The following CNTN5 variants were observed in gnomAD, a reference collection of about 807,000 sequenced individuals.
CNTN5 encodes the protein contactin 5, also known as contactin-5.
CNTN5 carries 77 observed loss-of-function variants against 129.1 expected under a neutral mutation model. That is an observed-to-expected ratio of 0.60 (90% confidence interval 0.50 to 0.72). CNTN5 has a LOEUF of 0.72. CNTN5 is among the 30% of genes least tolerant of loss of function. The pLI, the probability that CNTN5 is intolerant of heterozygous loss-of-function variation, is 0.00. For missense variants in CNTN5, 1,478 were observed against 1,328.8 expected (o/e 1.11, Z -1.75); for synonymous variants, 509 against 465.6 (o/e 1.09, Z -1.20).
chr11:99,408,450 GAAAGAAAGAAAGAA>G (rs1245570605), intron 2 of CNTN5, among the ~76,000 whole-genome samples: 2 of 68,814 alleles, frequency 2.9e-5, no homozygotes, highest in African/African-American at 1.3e-4. Context: ...GAAAGAAAGA[GAAAGAAAGAAAGAA>G]AGAAAGAAAG....
At chr11:99,811,897 A>G (rs1036582572) in intron 3 of CNTN5, among the ~76,000 whole-genome samples, 3 of 152,166 alleles carry the variant, frequency 2.0e-5, no homozygotes, top group African/African-American at 7.2e-5. Flanking sequence ...TTTAGCTGAC[A>G]TCTTCAGCAT....
In CNTN5 at chr11:99,262,065, C is replaced by T. The variant is rs561795673; in HGVS notation, c.-209-63281C>T. On this transcript the variant is annotated intron_variant, in intron 1 of 24. Coordinates refer to ENST00000524871, the MANE Select transcript of CNTN5 (RefSeq NM_014361.4). ...TAAACCATACTGGTGATCATGTAGT[C>T]CCTGAGATTCATGACATTTCCTCCT... 1.1e-3 allele frequency among the ~76,000 whole-genome samples: 161 copies of T among 152,074 alleles called. 2 individuals are homozygous for T. The highest frequency in any genetic ancestry group is 1.4e-3 in the Admixed American group (21 of 15,224).
intron 2 of CNTN5, among the ~76,000 whole-genome samples, chr11:99,450,768 G>GTTTTTTTTTTTTTTTTTTTTTTTTTTT (rs34146715): frequency 1.9e-5 from 2 of 105,004 alleles, no homozygotes; most frequent in Non-Finnish European, 3.8e-5. Flanking sequence ...ATTGAAGCAA[G>GTTTTTTTTTTTTTTTTTTTTTTTTTTT]TTTTTTTTTT....
At chr11:100,029,437 G>C (rs1434866348) in intron 9 of CNTN5, among the ~76,000 whole-genome samples, 2 of 152,032 alleles carry the variant, frequency 1.3e-5, no homozygotes, top group African/African-American at 4.8e-5. Context: ...AAAAAAATTA[G>C]CCGGGCGAGG....
chr11:99,561,779 AGAG>A (rs1948852220), intron 3 of CNTN5, among the ~76,000 whole-genome samples: 1 of 152,298 alleles, frequency 6.6e-6, no homozygotes, highest in Non-Finnish European at 1.5e-5. Context: ...TTGCACAGAA[AGAG>A]GAGACTAAGG....
At chr11:99,559,329 T>G (rs1389058271) in intron 3 of CNTN5, among the ~76,000 whole-genome samples, 1 of 152,102 alleles carries the variant, frequency 6.6e-6, no homozygotes, top group Non-Finnish European at 1.5e-5. Flanking sequence ...TTTATTCAGT[T>G]TTTGAAAATC....
chr11:99,525,148 C>CTT (rs36100461), intron 2 of CNTN5, among the ~76,000 whole-genome samples: 17 of 150,718 alleles, frequency 1.1e-4, no homozygotes, highest in South Asian at 2.1e-4. Flanking sequence ...TAAAGGGAGG[C>CTT]TTTTTTTTTA....
intron 2 of CNTN5, among the ~76,000 whole-genome samples, chr11:99,378,303 AT>A (rs1940312826): frequency 6.6e-6 from 1 of 152,090 alleles, no homozygotes; most frequent in Non-Finnish European, 1.5e-5. Context: ...TTACTTAGAC[AT>A]TCATTTGCTA....
chr11:99,094,043 A>T (rs1295456147), intron 1 of CNTN5, among the ~76,000 whole-genome samples: 1 of 152,068 alleles, frequency 6.6e-6, no homozygotes, highest in African/African-American at 2.4e-5. Context: ...CTACCCAATT[A>T]GATACTGTTA....
At chr11:99,717,339 C>A (rs1955283750) in intron 3 of CNTN5, among the ~76,000 whole-genome samples, 1 of 151,902 alleles carries the variant, frequency 6.6e-6, no homozygotes, top group South Asian at 2.1e-4. Flanking sequence ...CACATTGTTT[C>A]TATTTAAAAT....
At chr11:99,997,989 T>C (rs1269129845) in intron 8 of CNTN5, among the ~76,000 whole-genome samples, 4 of 152,140 alleles carry the variant, frequency 2.6e-5, no homozygotes, top group Non-Finnish European at 4.4e-5. Context: ...AAATTAGGGA[T>C]TGATGGGACG....
At chr11:99,711,799 A>G (rs1036336580) in intron 3 of CNTN5, among the ~76,000 whole-genome samples, 6 of 152,020 alleles carry the variant, frequency 3.9e-5, no homozygotes, top group African/African-American at 1.4e-4. Flanking sequence ...TGTCCCTGCA[A>G]AGGACATGAA....
chr11:100,054,346 G>T (rs1366348124), intron 9 of CNTN5, among the ~76,000 whole-genome samples: 2 of 151,690 alleles, frequency 1.3e-5, no homozygotes, highest in Non-Finnish European at 3.0e-5. Flanking sequence ...CAATTAATCT[G>T]CTATACTGAC....
At chr11:99,225,464 C>T (rs1860635083) in intron 1 of CNTN5, among the ~76,000 whole-genome samples, 1 of 152,152 alleles carries the variant, frequency 6.6e-6, no homozygotes, top group African/African-American at 2.4e-5. Flanking sequence ...CAATTCCCTA[C>T]TGATTCAGTA....
chr11:99,516,169 T>C (rs552906511), intron 2 of CNTN5, among the ~76,000 whole-genome samples: 85 of 152,156 alleles, frequency 5.6e-4, no homozygotes, highest in African/African-American at 2.0e-3. Context: ...TACTCATAAA[T>C]ATAAGTCCAA....
At chr11:99,510,771 T>TA (rs1254389311) in intron 2 of CNTN5, among the ~76,000 whole-genome samples, 3 of 152,192 alleles carry the variant, frequency 2.0e-5, no homozygotes, top group African/African-American at 7.2e-5. Context: ...ACAACTATGT[T>TA]ACTGGTTTAC....
chr11:99,623,496 G>A (rs1951023566), intron 3 of CNTN5, among the ~76,000 whole-genome samples: 2 of 152,016 alleles, frequency 1.3e-5, no homozygotes, highest in South Asian at 4.1e-4. Flanking sequence ...TATTTCAACA[G>A]TGTATCTAAG....
chr11:99,975,764 G>T (rs1001296858), intron 8 of CNTN5, among the ~76,000 whole-genome samples: 1 of 152,086 alleles, frequency 6.6e-6, no homozygotes, highest in Non-Finnish European at 1.5e-5. Flanking sequence ...ATTACAATTT[G>T]AGATGAGATT....
intron 2 of CNTN5, among the ~76,000 whole-genome samples, chr11:99,365,637 G>A (rs75214093): frequency 1.6e-3 from 246 of 152,244 alleles, no homozygotes; most frequent in African/African-American, 5.7e-3. Context: ...AATTCTGATA[G>A]TATGTTTCTA....
Sources: allele counts gnomAD v4.1 joint callset (sites outside exome capture counted in the v4.1 genomes callset), GRCh38; gene constraint gnomAD v4.1.1; transcripts MANE v1.5; gene names NCBI Gene and HGNC (gene_info 2026-07-23, HGNC 2026-07-21).